GAB1: variants seen among roughly 807,000 people sequenced by gnomAD.
The protein encoded by GAB1 is GRB2 associated binding protein 1, also known as GRB2-associated-binding protein 1.
GAB1 carries 19 observed loss-of-function variants against 66.5 expected under a neutral mutation model. The ratio of observed to expected loss-of-function variants is 0.29; its 90% CI spans 0.20 to 0.42. The LOEUF is 0.42. GAB1 is among the 10% of genes least tolerant of loss of function. The pLI, the probability that GAB1 is intolerant of heterozygous loss-of-function variation, is 1.00. For synonymous variants in GAB1, 294 were observed against 301.4 expected, an observed-to-expected ratio of 0.98 and a Z score of 0.25; for missense variants, 732 against 858.5, an observed-to-expected ratio of 0.85 and a Z score of 1.84.
chr4:143,345,765 A>C (rs1330440509), intron 1 of GAB1, among the ~76,000 whole-genome samples: 9 of 152,224 alleles, frequency 5.9e-5, no homozygotes, highest in Admixed American at 5.2e-4. Context: ...TTGCCTAGAG[A>C]TATTTAGCTA....
At chr4:143,406,311 A>C (rs1000527795) in intron 1 of GAB1, among the ~76,000 whole-genome samples, 1 of 152,110 alleles carries the variant, frequency 6.6e-6, no homozygotes, top group African/African-American at 2.4e-5. Context: ...TTAATGGCTC[A>C]ATGACTGTGG....
intron 1 of GAB1, among the ~76,000 whole-genome samples, chr4:143,376,273 G>T (rs996171827): frequency 7.9e-5 from 12 of 152,192 alleles, no homozygotes; most frequent in African/African-American, 2.4e-4. Context: ...TACAGATCAT[G>T]AACATGTGTC....
chr4:143,411,264 T>C (rs567534731), intron 1 of GAB1, among the ~76,000 whole-genome samples: 2 of 152,270 alleles, frequency 1.3e-5, no homozygotes, highest in South Asian at 4.2e-4. Flanking sequence ...TTTGGTACTT[T>C]TAAGTTACCC....
In GAB1 at chr4:143,455,426, A is replaced by G. The variant is rs28925928; in HGVS notation, c.1586-3959A>G. 4.6e-3 allele frequency among the ~76,000 whole-genome samples: 705 copies of G among 152,302 alleles called. 2 individuals are homozygous for G. Among genetic ancestry groups the G allele is most frequent in the Non-Finnish European group, 7.3e-3 (494 of 68,022 alleles). ...ATGTGACCTTGATTATTTAACCACA[A>G]ACTTAGATAAGATACTGGGGTAGCA... On this transcript the variant is annotated intron_variant, in intron 6 of 9. Transcript: ENST00000262994.
intron 1 of GAB1, among the ~76,000 whole-genome samples, chr4:143,391,993 G>C (rs1267556649): frequency 6.6e-6 from 1 of 152,184 alleles, no homozygotes; most frequent in Non-Finnish European, 1.5e-5. Context: ...ATAATGTCCT[G>C]AGCTGCCACA....
At chr4:143,384,806 G>C (rs1730825157) in intron 1 of GAB1, among the ~76,000 whole-genome samples, 1 of 152,170 alleles carries the variant, frequency 6.6e-6, no homozygotes, top group Admixed American at 6.5e-5. Context: ...CAGCTAGTAG[G>C]GCTGTCTGAT....
intron 1 of GAB1, among the ~76,000 whole-genome samples, chr4:143,409,980 C>A (rs1732280491): frequency 6.6e-6 from 1 of 151,862 alleles, no homozygotes; most frequent in African/African-American, 2.4e-5. Context: ...AGTGTTTAAA[C>A]CTGCCTATTC....
intron 1 of GAB1, among the ~76,000 whole-genome samples, chr4:143,413,320 C>G (rs1212596422): frequency 6.6e-6 from 1 of 152,162 alleles, no homozygotes; most frequent in East Asian, 1.9e-4. Context: ...TAAGTAGATG[C>G]ATATTCAATG....
chr4:143,379,043 GAAAATGTGTTATGAA>G (rs1730544188), intron 1 of GAB1, among the ~76,000 whole-genome samples: 1 of 152,126 alleles, frequency 6.6e-6, no homozygotes, highest in Non-Finnish European at 1.5e-5. Flanking sequence ...TTTTCTGGTA[GAAAATGTGTTATGAA>G]AAAAAGGGGG....
intron 4 of GAB1, 38 bp from the exon 5 acceptor site, chr4:143,439,764 G>A (rs367973089): frequency 1.4e-6 from 2 of 1,448,534 alleles, no homozygotes; most frequent in Admixed American, 1.7e-5. Flanking sequence ...AGCTGGCAAA[G>A]ATGGGAATAA....
rs1196694739 is a variant in GAB1 at position 143,474,450 on chromosome 4, G to A, written c.*5261G>A. On this transcript the variant is annotated 3_prime_UTR_variant, in exon 10 of 10. Coordinates refer to ENST00000262994, the MANE Select transcript of GAB1 (RefSeq NM_002039.4). Reference sequence around the variant, plus strand: ...TAATATTATGTGTCAACTTGGTGAGGCTATGGCGCCCATGTGTTTGGTCAA... The same window carrying A: ...TAATATTATGTGTCAACTTGGTGAGACTATGGCGCCCATGTGTTTGGTCAA... 2.0e-5 allele frequency: 3 copies of A among 152,148 alleles called. No individual in the cohort carries two copies. Among genetic ancestry groups the A allele is most frequent in the Non-Finnish European group, 2.9e-5 (2 of 68,014 alleles). The allele number at this position is 152,148 out of a possible 1,614,324, so 9.4% of individuals were successfully genotyped here. A position where few individuals can be genotyped will look rare whatever the true frequency, so the allele number is the denominator to read the frequency against.
rs1000106472 is a variant in GAB1 at position 143,385,885 on chromosome 4, A to G, written c.73-29592A>G. On this transcript the variant is annotated intron_variant, in intron 1 of 9. Transcript: ENST00000262994. ...CCGGTTATGGTAGCTCATGCCTGTA[A>G]CCCCAGCTCTTGGGGAGGTCAAGGC... is the stretch of plus-strand genomic sequence containing the variant. 4.7e-4 allele frequency among the ~76,000 whole-genome samples: 71 copies of G among 152,188 alleles called. 1 individual carries two copies. Among genetic ancestry groups the G allele is most frequent in the Non-Finnish European group, 6.9e-4 (47 of 68,032 alleles).
chr4:143,354,068 G>A (rs897747113), intron 1 of GAB1, among the ~76,000 whole-genome samples: 8 of 152,186 alleles, frequency 5.3e-5, no homozygotes, highest in Non-Finnish European at 1.2e-4. Flanking sequence ...GGTTGTTGCT[G>A]TATGCTGGTG....
At chr4:143,448,078 A>T (rs916176687) in intron 6 of GAB1, among the ~76,000 whole-genome samples, 1 of 151,920 alleles carries the variant, frequency 6.6e-6, no homozygotes, top group Non-Finnish European at 1.5e-5. Flanking sequence ...CTGTCTTTAT[A>T]TGCTGGATTA....
intron 1 of GAB1, among the ~76,000 whole-genome samples, chr4:143,339,126 G>A (rs970790244): frequency 2.0e-5 from 3 of 152,200 alleles, no homozygotes; most frequent in African/African-American, 7.2e-5. Flanking sequence ...CTATTTTACA[G>A]AAAACAGTCC....
intron 1 of GAB1, among the ~76,000 whole-genome samples, chr4:143,351,444 C>T (rs1460291707): frequency 6.6e-6 from 1 of 152,148 alleles, no homozygotes; most frequent in African/African-American, 2.4e-5. Flanking sequence ...TGTCTTCTCC[C>T]GCCAACGAGT....
intron 4 of GAB1, 174 bp from the exon 5 acceptor site, chr4:143,439,628 A>G: frequency 1.7e-6 from 1 of 572,654 alleles, no homozygotes; most frequent in East Asian, 2.8e-5. Context: ...TGCATTTTCT[A>G]GTGGTTTAAT....
chr4:143,379,153 AAC>A (rs1165150131), intron 1 of GAB1, among the ~76,000 whole-genome samples: 2 of 152,212 alleles, frequency 1.3e-5, no homozygotes, highest in Non-Finnish European at 1.5e-5. Context: ...TTATATATGT[AAC>A]AGAGTTATGC....
chr4:143,386,980 G>A (rs1224189239), intron 1 of GAB1, among the ~76,000 whole-genome samples: 1 of 152,176 alleles, frequency 6.6e-6, no homozygotes, highest in Non-Finnish European at 1.5e-5. Context: ...GAACATGGGA[G>A]GAGCAACTGG....
Sources: allele counts gnomAD v4.1 joint callset (sites outside exome capture counted in the v4.1 genomes callset), GRCh38; gene constraint gnomAD v4.1.1; transcripts MANE v1.5; gene names NCBI Gene and HGNC (gene_info 2026-07-23, HGNC 2026-07-21).